SEPTIN4: variants seen among roughly 807,000 people sequenced by gnomAD.
SEPTIN4 encodes the protein septin-4.
Under a neutral mutation model 107.1 loss-of-function variants are expected in SEPTIN4, and 52 were observed. The ratio of observed to expected loss-of-function variants is 0.49; its 90% CI spans 0.39 to 0.61. SEPTIN4 has a LOEUF of 0.61. Ranked by LOEUF, SEPTIN4 falls within the 20% of genes least tolerant of loss-of-function variation. The probability of loss-of-function intolerance (pLI) is 0.00; values close to 1 mark genes in which losing one functional copy is unlikely to be tolerated. For missense variants in SEPTIN4, 1,048 were observed against 1,243.5 expected, an observed-to-expected ratio of 0.84 and a Z score of 2.36; for synonymous variants, 417 against 467.0, an observed-to-expected ratio of 0.89 and a Z score of 1.38.
In SEPTIN4 at chr17:58,525,792, A is replaced by G. The variant is rs780146617; in HGVS notation, c.2006-11T>C. On this transcript the variant is annotated splice_polypyrimidine_tract_variant and intron_variant, in intron 5 of 13. Coordinates refer to ENST00000672673, the MANE Select transcript of SEPTIN4 (RefSeq NM_001368771.2). ...CCAGGCCAGACTCTCCTGAGAGGAG[A>G]GAGGACAGAGGCACCAAATCAGAAG... 6.2e-7 allele frequency: 1 copy of G among 1,608,770 alleles called. No homozygotes were observed. Among genetic ancestry groups the G allele is most frequent in the Non-Finnish European group, 8.5e-7 (1 of 1,175,214 alleles).
intron 3 of SEPTIN4, chr17:58,532,080 G>A (rs2043523357): frequency 9.2e-7 from 1 of 1,091,976 alleles, no homozygotes. Flanking sequence ...AGTGCGGACC[G>A]CTGCGGGAGG....
chr17:58,525,238 G>A, intron 6 of SEPTIN4, 37 bp from the exon 7 acceptor site: 1 of 1,609,986 alleles, frequency 6.2e-7, no homozygotes, highest in African/African-American at 1.3e-5. Flanking sequence ...GGCAAGGGCA[G>A]GGACCTGCCC....
At chr17:58,526,145 C>A in intron 5 of SEPTIN4, 75 bp downstream of exon 5, 1 of 1,480,394 alleles carries the variant, frequency 6.8e-7, no homozygotes, top group Non-Finnish European at 9.0e-7. Flanking sequence ...CCTATACTCC[C>A]TTCCCACTCA....
chr17:58,525,159 T>C lies in SEPTIN4; in HGVS notation c.2135A>G (p.Asp712Gly). Reference sequence around the variant, plus strand: ...CAGCCTCACACCCTTCTCTTCTATGTCCACTGCATGCTTAGTGATCTCCAC... The same window carrying C: ...CAGCCTCACACCCTTCTCTTCTATGCCCACTGCATGCTTAGTGATCTCCAC... Reference protein sequence around the residue: ...QTVEITKHAVDIEEKGVRLRL... With the variant: ...QTVEITKHAVGIEEKGVRLRL... The change falls in exon 7 of 14, where the codon GAC becomes GGC. Residue 712 changes from aspartate to glycine, a missense_variant. Asp to Gly is a moderately conservative substitution (Grantham distance 94). Coordinates refer to ENST00000672673, the MANE Select transcript of SEPTIN4 (RefSeq NM_001368771.2). 6.2e-7 allele frequency: 1 copy of C among 1,614,210 alleles called. No individual in the cohort carries two copies. Among genetic ancestry groups the C allele is most frequent in the Non-Finnish European group, 8.5e-7 (1 of 1,180,046 alleles).
In SEPTIN4 at chr17:58,521,111, T is replaced by TA; in HGVS notation, c.2717dup (p.Arg907ThrfsTer17). ...CCTTCAGGTCCTGCATGTGGGTACG[T>TA]ACCAGCATTGTCCTCAGCTTCACAA... is the stretch of plus-strand genomic sequence containing the variant. On this transcript the variant is annotated frameshift_variant, in exon 12 of 14. Coordinates refer to ENST00000672673, the MANE Select transcript of SEPTIN4 (RefSeq NM_001368771.2). LOFTEE classifies it high-confidence loss of function. The surrounding 1 kb of genome is among the most constrained non-coding windows in gnomAD (Gnocchi z 6.4). 6.2e-7 allele frequency: 1 copy of TA among 1,614,186 alleles called. No homozygotes were observed. Among genetic ancestry groups the TA allele is most frequent in the Non-Finnish European group, 8.5e-7 (1 of 1,180,026 alleles).
chr17:58,543,181 T>C lies in SEPTIN4; in HGVS notation c.1006A>G (p.Thr336Ala), dbSNP rs1329670857. Reference sequence around the variant, plus strand: ...ACTGACTGTACCCCTGGGGAGATGGTGACCCTGCGGCCAACCTCGCTGTTT... The same window carrying C: ...ACTGACTGTACCCCTGGGGAGATGGCGACCCTGCGGCCAACCTCGCTGTTT... ...RGNSEVGRRV[T>A]ISPGVQSVEP... The change falls in exon 1 of 14, where the codon ACC becomes GCC. Residue 336 changes from threonine to alanine, a missense_variant. Physicochemically the swap from Thr to Ala is moderately conservative, Grantham distance 58. Coordinates refer to ENST00000672673, the MANE Select transcript of SEPTIN4 (RefSeq NM_001368771.2). 1.2e-6 allele frequency: 2 copies of C among 1,614,084 alleles called. No individual in the cohort carries two copies. The highest frequency in any genetic ancestry group is 2.2e-5 in the South Asian group (2 of 91,064).
chr17:58,532,566 G>A (rs2043554259), intron 3 of SEPTIN4, among the ~76,000 whole-genome samples: 1 of 152,258 alleles, frequency 6.6e-6, no homozygotes, highest in Non-Finnish European at 1.5e-5. Context: ...GAAGGGGCAG[G>A]TTAGAGGCAG....
At chr17:58,530,656 GC>G (rs1286279851) in intron 3 of SEPTIN4, 1 of 152,352 alleles carries the variant, frequency 6.6e-6, no homozygotes, top group Non-Finnish European at 1.5e-5. Context: ...GGCAGAAAAA[GC>G]CCCTCTAGCC....
Position 58,521,568 on chromosome 17 carries a change from TG to T in SEPTIN4, c.2547del (p.Phe849LeufsTer8). On this transcript the variant is annotated frameshift_variant, in exon 10 of 14. Coordinates refer to ENST00000672673, the MANE Select transcript of SEPTIN4 (RefSeq NM_001368771.2). LOFTEE classifies it high-confidence loss of function. The surrounding 1 kb of genome is among the most constrained non-coding windows in gnomAD (Gnocchi z 6.4). ...PDCDSDEDED[F>X]KLQDQALKES... is the part of the protein sequence containing the mutation. ...ACCTTTAGGGCTTGGTCCTGCAATT[TG>T]AAGTCCTCATCCTCATCAGAGTCAC... is the stretch of plus-strand genomic sequence containing the variant. 1.2e-6 allele frequency: 2 copies of T among 1,614,224 alleles called. No homozygotes were observed. Among genetic ancestry groups the T allele is most frequent in the Non-Finnish European group, 1.7e-6 (2 of 1,180,046 alleles).
At position 58,538,766 on chromosome 17, in the gene SEPTIN4, AG is replaced by A. The variant is rs2144250123; in HGVS notation, c.1614+1899del. ...CCATTCCTTAGACAAAAGGGCTTTG[AG>A]GGGCCATTTGGGAAGGGACTGACAC... is the stretch of plus-strand genomic sequence containing the variant. On this transcript the variant is annotated intron_variant, in intron 3 of 13. Coordinates refer to ENST00000672673, the MANE Select transcript of SEPTIN4 (RefSeq NM_001368771.2). This position sits in a 1 kb window ranked among gnomAD's most constrained non-coding sequence, Gnocchi z 4.7. Among the ~76,000 whole-genome samples the A allele has an allele frequency of 6.6e-6, 1 of 152,310 alleles. No homozygotes were observed. The highest frequency in any genetic ancestry group is 1.5e-5 in the Non-Finnish European group (1 of 68,002).
intron 3 of SEPTIN4, among the ~76,000 whole-genome samples, chr17:58,533,166 G>C (rs2043582899): frequency 6.6e-6 from 1 of 152,204 alleles, no homozygotes; most frequent in African/African-American, 2.4e-5. Context: ...AGCCAGGGGA[G>C]GGAAGAGGGC....
Position 58,543,521 on chromosome 17 carries a change from G to C in SEPTIN4, c.666C>G (p.Pro222=). The C allele has an allele frequency of 1.2e-6, 2 of 1,614,198 alleles. No homozygotes were observed. The highest frequency in any genetic ancestry group is 8.5e-7 in the Non-Finnish European group (1 of 1,180,026). ...AGCTGCTTCCGTGCTCTAGGAGAGA[G>C]GGACTCCTTGGAGATCTGATCTCAC... ...TTSEIRSPRS[P]SLLEHGSSCV... The change falls in exon 1 of 14, where the codon CCC becomes CCG. Residue 222 remains proline (P), a synonymous_variant. Transcript: ENST00000672673.
At chr17:58,539,007 C>G (rs2043806122) in intron 3 of SEPTIN4, 2 of 634,006 alleles carry the variant, frequency 3.2e-6, no homozygotes, top group Non-Finnish European at 5.1e-6. Flanking sequence ...CACAGCGTCT[C>G]CATCCTGAGG....
chr17:58,533,627 G>A (rs917293338), intron 3 of SEPTIN4, among the ~76,000 whole-genome samples: 2 of 152,164 alleles, frequency 1.3e-5, no homozygotes, highest in Non-Finnish European at 2.9e-5. Context: ...AACCTCTAAA[G>A]GTACAGAGAG....
At chr17:58,537,659 G>A (rs1290522220) in intron 3 of SEPTIN4, among the ~76,000 whole-genome samples, 2 of 151,922 alleles carry the variant, frequency 1.3e-5, no homozygotes, top group Non-Finnish European at 2.9e-5. Flanking sequence ...GTGAAACCTC[G>A]TCTCCACTAA....
intron 3 of SEPTIN4, chr17:58,529,131 T>A (rs774841128): frequency 1.2e-6 from 2 of 1,614,208 alleles, no homozygotes; most frequent in Non-Finnish European, 1.7e-6. Context: ...TTCAGTCCTG[T>A]CCTCAGGGAC....
intron 7 of SEPTIN4, chr17:58,524,663 C>CT (rs2042649412): frequency 6.4e-6 from 1 of 156,492 alleles, no homozygotes. Context: ...ACCTCCTGAG[C>CT]TCAAGTGATT....
rs1026828168 is a variant in SEPTIN4, at chr17:58,521,850, G to T, written c.2355C>A (p.Leu785=). 1 of 1,614,218 alleles carries T rather than the reference G, an allele frequency of 6.2e-7. No individual in the cohort carries two copies. The highest frequency in any genetic ancestry group is 8.5e-7 in the Non-Finnish European group (1 of 1,180,042). Residue 785 remains leucine, a synonymous_variant, in exon 9 of 14, where the codon CTC becomes CTA. Transcript: ENST00000672673. The surrounding 1 kb of genome is among the most constrained non-coding windows in gnomAD (Gnocchi z 6.4). ...TCATGAATTCAACATCCAATGGCCGGAGCCTGGGGAACAGGAACCTGTGAC... is the reference window on the plus strand; with the variant it reads ...TCATGAATTCAACATCCAATGGCCGTAGCCTGGGGAACAGGAACCTGTGAC... ...LYFISPFGHG[L]RPLDVEFMKA...
chr17:58,525,066 A>C lies in SEPTIN4; in HGVS notation c.2216+12T>G. Reference sequence around the variant, plus strand: ...CTCAGGGGCAGCTGGGATTGTGCTTACTCAGACATACCACTCTGTGTTGTT... The same window carrying C: ...CTCAGGGGCAGCTGGGATTGTGCTTCCTCAGACATACCACTCTGTGTTGTT... On this transcript the variant is annotated intron_variant, in intron 7 of 13. Transcript: ENST00000672673. 6.2e-7 allele frequency: 1 copy of C among 1,614,130 alleles called. No homozygotes were observed. Among genetic ancestry groups the C allele is most frequent in the East Asian group, 2.2e-5 (1 of 44,880 alleles).
Sources: allele counts gnomAD v4.1 joint callset (sites outside exome capture counted in the v4.1 genomes callset), GRCh38; gene constraint gnomAD v4.1.1; non-coding constraint Gnocchi (gnomAD v3.1); transcripts MANE v1.5; gene names NCBI Gene and HGNC (gene_info 2026-07-23, HGNC 2026-07-21).